The following ADGB variants were observed in gnomAD, a reference collection of about 807,000 sequenced individuals.
ADGB encodes the protein androglobin.
ADGB carries 172 observed loss-of-function variants against 210.5 expected under a neutral mutation model. That is an observed-to-expected ratio of 0.82 (90% CI 0.72 to 0.93). The LOEUF (loss-of-function observed/expected upper bound fraction) is 0.93. Ranked by LOEUF, ADGB falls within the 40% of genes least tolerant of loss-of-function variation. The pLI, the probability that ADGB is intolerant of heterozygous loss-of-function variation, is 0.00. For missense variants in ADGB, 2,025 were observed against 1,964.8 expected (o/e 1.03, Z -0.58); for synonymous variants, 658 against 662.7 (o/e 0.99, Z 0.11).
intron 21 of ADGB, 138 bp from the exon 22 acceptor site, chr6:146,733,755 C>A: frequency 1.1e-6 from 1 of 922,072 alleles, no homozygotes; most frequent in Non-Finnish European, 1.7e-6. Context: ...CCACCTAGAG[C>A]CGGCAATATT....
intron 27 of ADGB, among the ~76,000 whole-genome samples, chr6:146,753,607 T>C (rs991372302): frequency 6.6e-6 from 1 of 151,948 alleles, no homozygotes; most frequent in Non-Finnish European, 1.5e-5. Context: ...CTTCTATTGA[T>C]AGCTGTGAAT....
chr6:146,789,879 C>A (rs1777930109), intron 33 of ADGB, among the ~76,000 whole-genome samples: 1 of 152,112 alleles, frequency 6.6e-6, no homozygotes, highest in South Asian at 2.1e-4. Flanking sequence ...GGACTTACAC[C>A]CAGCTCTTTG....
chr6:146,761,785 G>T (rs1777493389), intron 27 of ADGB, among the ~76,000 whole-genome samples: 2 of 152,062 alleles, frequency 1.3e-5, no homozygotes, highest in African/African-American at 2.4e-5. Context: ...TTAATAAAAT[G>T]AACATTCATT....
At chr6:146,784,534 G>A in intron 30 of ADGB, 84 bp from the exon 31 acceptor site, 1 of 1,064,612 alleles carries the variant, frequency 9.4e-7, no homozygotes. Context: ...ATACCTAATA[G>A]TGAAATTATG....
intron 5 of ADGB, 113 bp from the exon 6 acceptor site, chr6:146,664,088 G>A: frequency 9.6e-7 from 1 of 1,046,894 alleles, no homozygotes; most frequent in Non-Finnish European, 1.3e-6. Context: ...AGTGTAAGAT[G>A]CTAAAATAAA....
At chr6:146,774,954 G>C (rs1777700317) in intron 29 of ADGB, among the ~76,000 whole-genome samples, 1 of 152,052 alleles carries the variant, frequency 6.6e-6, no homozygotes, top group Admixed American at 6.6e-5. Context: ...TGTATTTTCA[G>C]TAGAGATGGG....
intron 26 of ADGB, among the ~76,000 whole-genome samples, chr6:146,750,746 TG>T (rs1413168072): frequency 6.6e-6 from 1 of 152,150 alleles, no homozygotes; most frequent in African/African-American, 2.4e-5. Flanking sequence ...TTAGACTGCA[TG>T]TTTCCAGTCT....
At chr6:146,712,952 G>A (rs111554572) in intron 13 of ADGB, among the ~76,000 whole-genome samples, 6,866 of 149,856 alleles carry the variant, frequency 0.046, 185 homozygotes, top group South Asian at 0.064. Context: ...TCCACTTTCT[G>A]TGCCTATAAC....
chr6:146,785,953 G>A (rs928283631), intron 32 of ADGB, among the ~76,000 whole-genome samples: 1 of 151,898 alleles, frequency 6.6e-6, no homozygotes, highest in African/African-American at 2.4e-5. Flanking sequence ...CACTGTGCAA[G>A]GAGATGTGAT....
At chr6:146,762,079 T>G (rs1292532199) in intron 27 of ADGB, among the ~76,000 whole-genome samples, 2 of 152,102 alleles carry the variant, frequency 1.3e-5, no homozygotes, top group African/African-American at 2.4e-5. Context: ...TCTTAGGATC[T>G]TTTTCTTAAT....
intron 4 of ADGB, among the ~76,000 whole-genome samples, chr6:146,654,992 G>A (rs9485105): frequency 0.031 from 4,695 of 152,020 alleles, 231 homozygotes; most frequent in African/African-American, 0.1. Flanking sequence ...GGTAACCACC[G>A]TTTCTCTATC....
chr6:146,726,022 AC>A, intron 18 of ADGB, 60 bp from the exon 19 acceptor site: 3 of 1,070,372 alleles, frequency 2.8e-6, no homozygotes, highest in Non-Finnish European at 2.7e-6. Context: ...TAAGCAACTC[AC>A]AGGTCAAATG....
chr6:146,622,895 G>A (rs756482715), intron 1 of ADGB, among the ~76,000 whole-genome samples: 2 of 152,128 alleles, frequency 1.3e-5, no homozygotes, highest in South Asian at 2.1e-4. Context: ...ATAATGCAAA[G>A]CGTAAATTGA....
At chr6:146,627,576 T>A (rs1396722486) in intron 1 of ADGB, among the ~76,000 whole-genome samples, 1 of 152,092 alleles carries the variant, frequency 6.6e-6, no homozygotes, top group Non-Finnish European at 1.5e-5. Context: ...TTTCCCAGTA[T>A]CCTATGGGGC....
intron 13 of ADGB, among the ~76,000 whole-genome samples, chr6:146,712,835 A>G (rs545365379): frequency 2.0e-5 from 3 of 152,124 alleles, no homozygotes; most frequent in Admixed American, 6.6e-5. Flanking sequence ...CATTTTCACT[A>G]TTGTATGACC....
At chr6:146,614,411 C>T (rs1440869176) in intron 1 of ADGB, among the ~76,000 whole-genome samples, 1 of 152,068 alleles carries the variant, frequency 6.6e-6, no homozygotes, top group East Asian at 1.9e-4. Context: ...CTTAGTAATC[C>T]TTTCATCCTG....
chr6:146,799,295 G>T (rs1176755944), intron 33 of ADGB, among the ~76,000 whole-genome samples: 4 of 151,922 alleles, frequency 2.6e-5, no homozygotes, highest in Non-Finnish European at 4.4e-5. Context: ...GTCAGACAAG[G>T]AAATGAACTA....
intron 8 of ADGB, among the ~76,000 whole-genome samples, chr6:146,674,520 G>A (rs1053601565): frequency 3.3e-5 from 5 of 152,196 alleles, no homozygotes; most frequent in Non-Finnish European, 7.3e-5. Flanking sequence ...ACAGGTTATG[G>A]GAGAGTGGAT....
intron 32 of ADGB, 105 bp downstream of exon 32, chr6:146,785,817 A>T (rs1777864705): frequency 1.2e-6 from 1 of 823,042 alleles, no homozygotes; most frequent in South Asian, 1.8e-5. Flanking sequence ...GAGACATTTC[A>T]GAATCTCGTT....
Sources: allele counts gnomAD v4.1 joint callset (sites outside exome capture counted in the v4.1 genomes callset), GRCh38; gene constraint gnomAD v4.1.1; transcripts MANE v1.5; gene names NCBI Gene and HGNC (gene_info 2026-07-23, HGNC 2026-07-21).